The following ADAM29 variants were observed in gnomAD, a reference collection of about 807,000 sequenced individuals.
ADAM29 encodes disintegrin and metalloproteinase domain-containing protein 29.
For synonymous variants in ADAM29, 367 were observed against 342.3 expected, an observed-to-expected ratio of 1.07 and a Z score of -0.80; for missense variants, 969 against 1,001.8, an observed-to-expected ratio of 0.97 and a Z score of 0.44.
At chr4:174,965,303 T>C (rs1746083861) in intron 4 of ADAM29, among the ~76,000 whole-genome samples, 1 of 151,944 alleles carries the variant, frequency 6.6e-6, no homozygotes, top group Admixed American at 6.5e-5. Flanking sequence ...TCATGAGAAA[T>C]AACCCATTCT....
intron 2 of ADAM29, among the ~76,000 whole-genome samples, chr4:174,923,268 G>T (rs543907147): frequency 6.6e-6 from 1 of 151,706 alleles, no homozygotes; most frequent in African/African-American, 2.4e-5. Flanking sequence ...TGTTGGCCAG[G>T]CTGATCTCCA....
chr4:174,965,537 T>TC (rs1746111200), intron 4 of ADAM29, among the ~76,000 whole-genome samples: 1 of 144,900 alleles, frequency 6.9e-6, no homozygotes. Context: ...TATCATCTAT[T>TC]TACTTACCTA....
At chr4:174,946,955 T>C (rs1039319196) in intron 4 of ADAM29, among the ~76,000 whole-genome samples, 3 of 152,164 alleles carry the variant, frequency 2.0e-5, no homozygotes, top group African/African-American at 7.2e-5. Context: ...TTCCATTTCT[T>C]CCTGGTTCAG....
intron 4 of ADAM29, among the ~76,000 whole-genome samples, chr4:174,938,007 GAT>G (rs1228259763): frequency 1.3e-5 from 2 of 152,028 alleles, no homozygotes; most frequent in African/African-American, 4.8e-5. Context: ...GACAATAATA[GAT>G]ATTAGAGATG....
chr4:174,947,032 G>A (rs1361833513), intron 4 of ADAM29, among the ~76,000 whole-genome samples: 1 of 152,068 alleles, frequency 6.6e-6, no homozygotes, highest in Non-Finnish European at 1.5e-5. Context: ...TGTGTTCATA[G>A]AGATGTTTTT....
intron 4 of ADAM29, among the ~76,000 whole-genome samples, chr4:174,937,639 C>T (rs1229343842): frequency 6.6e-6 from 1 of 151,980 alleles, no homozygotes; most frequent in Non-Finnish European, 1.5e-5. Context: ...TTCATACATG[C>T]TGCTACCTCA....
In ADAM29 at chr4:174,936,760, C is replaced by A. The variant is rs115042630; in HGVS notation, c.-261-173C>A. 5.7e-3 allele frequency among the ~76,000 whole-genome samples: 862 copies of A among 151,766 alleles called. 6 individuals are homozygous for A. Among genetic ancestry groups the A allele is most frequent in the African/African-American group, 0.019 (808 of 41,444 alleles). On this transcript the variant is annotated intron_variant, in intron 3 of 4. Transcript: ENST00000359240. ...ACCAAAAAGACATGGGCATGATATC[C>A]TTATATATTTTTTTCAATTAAGCTC...
At chr4:174,919,794 C>T (rs1017136567) in intron 1 of ADAM29, among the ~76,000 whole-genome samples, 1 of 152,102 alleles carries the variant, frequency 6.6e-6, no homozygotes, top group Non-Finnish European at 1.5e-5. Flanking sequence ...GCGGCAAAAC[C>T]CTTTCACCTT....
intron 4 of ADAM29, among the ~76,000 whole-genome samples, chr4:174,945,039 C>T (rs891358694): frequency 6.6e-5 from 10 of 151,946 alleles, no homozygotes; most frequent in African/African-American, 2.4e-4. Flanking sequence ...GAGTATATAC[C>T]CAATAGGATT....
At chr4:174,925,993 A>T (rs7654815) in intron 2 of ADAM29, among the ~76,000 whole-genome samples, 32,202 of 151,914 alleles carry the variant, frequency 0.21, 4,642 homozygotes, top group African/African-American at 0.41. Flanking sequence ...AAATCATTTT[A>T]AAAAAAATTG....
intron 2 of ADAM29, among the ~76,000 whole-genome samples, chr4:174,921,804 G>A (rs1051840973): frequency 6.6e-6 from 1 of 152,098 alleles, no homozygotes; most frequent in Non-Finnish European, 1.5e-5. Context: ...TTGTGTGTGT[G>A]TGCACATGTA....
intron 4 of ADAM29, among the ~76,000 whole-genome samples, chr4:174,937,633 T>A (rs1459402857): frequency 6.6e-6 from 1 of 152,044 alleles, no homozygotes; most frequent in African/African-American, 2.4e-5. Flanking sequence ...AATGTCTTCA[T>A]ACATGCTGCT....
At chr4:174,964,992 G>A (rs1354417579) in intron 4 of ADAM29, among the ~76,000 whole-genome samples, 1 of 152,116 alleles carries the variant, frequency 6.6e-6, no homozygotes, top group African/African-American at 2.4e-5. Flanking sequence ...TCTAGAGCCA[G>A]CTCCAGCAAT....
At chr4:174,956,002 TTG>T (rs1464587149) in intron 4 of ADAM29, among the ~76,000 whole-genome samples, 1 of 152,064 alleles carries the variant, frequency 6.6e-6, no homozygotes, top group African/African-American at 2.4e-5. Flanking sequence ...TTCTTTCCTA[TTG>T]TGCTCAGGAC....
chr4:174,960,729 T>C (rs1439580768), intron 4 of ADAM29, among the ~76,000 whole-genome samples: 1 of 152,182 alleles, frequency 6.6e-6, no homozygotes, highest in African/African-American at 2.4e-5. Context: ...AGTGTAAACA[T>C]ATTTGTTAAA....
intron 4 of ADAM29, among the ~76,000 whole-genome samples, chr4:174,939,969 C>A (rs1012822101): frequency 6.6e-6 from 1 of 151,942 alleles, no homozygotes; most frequent in South Asian, 2.1e-4. Flanking sequence ...TCCTTCCTTC[C>A]TTTCCTCCCT....
intron 2 of ADAM29, among the ~76,000 whole-genome samples, 179 bp from the exon 3 acceptor site, chr4:174,930,807 A>G (rs1743818371): frequency 6.6e-6 from 1 of 152,156 alleles, no homozygotes; most frequent in Admixed American, 6.5e-5. Context: ...TTTTATATTT[A>G]TGCATTTAAA....
chr4:174,957,814 C>T (rs1745589523), intron 4 of ADAM29, among the ~76,000 whole-genome samples: 1 of 151,590 alleles, frequency 6.6e-6, no homozygotes, highest in South Asian at 2.1e-4. Context: ...TTAAATTGAC[C>T]TGAATTTAAA....
intron 4 of ADAM29, among the ~76,000 whole-genome samples, chr4:174,946,784 T>TCC (rs967945580): frequency 6.6e-6 from 1 of 152,142 alleles, no homozygotes; most frequent in Non-Finnish European, 1.5e-5. Context: ...GTGGAGTCTC[T>TCC]CCTCAAGTTT....
Sources: allele counts gnomAD v4.1 joint callset (sites outside exome capture counted in the v4.1 genomes callset), GRCh38; gene constraint gnomAD v4.1.1; transcripts MANE v1.5; gene names NCBI Gene and HGNC (gene_info 2026-07-23, HGNC 2026-07-21).